Variants in EXOC6B observed in about 807,000 individuals in gnomAD.
EXOC6B encodes the protein exocyst complex component 6B, also known as SEC15 homolog B.
Under a neutral mutation model 113.5 loss-of-function variants are expected in EXOC6B, and 54 were observed. That is an observed-to-expected ratio of 0.48 (90% CI 0.38 to 0.60). The LOEUF (loss-of-function observed/expected upper bound fraction) is 0.60, where lower values mean the gene tolerates loss of function less well. Among genes scored for constraint, EXOC6B ranks in the 20% least tolerant of loss-of-function variants. The pLI is 0.00. For missense variants in EXOC6B, 797 were observed against 977.5 expected, an observed-to-expected ratio of 0.82 and a Z score of 2.46; for synonymous variants, 357 against 339.0, an observed-to-expected ratio of 1.05 and a Z score of -0.58.
intron 20 of EXOC6B, among the ~76,000 whole-genome samples, chr2:72,219,985 C>T (rs929208246): frequency 1.8e-4 from 28 of 152,112 alleles, no homozygotes; most frequent in Non-Finnish European, 8.8e-5. Context: ...TCCGGTAAGT[C>T]ACTTAACCTT....
intron 5 of EXOC6B, among the ~76,000 whole-genome samples, chr2:72,726,810 AAATACAGTCAGC>A (rs1680326710): frequency 6.6e-6 from 1 of 152,192 alleles, no homozygotes; most frequent in Non-Finnish European, 1.5e-5. Context: ...GAAAAAAATA[AAATACAGTCAGC>A]CCTTCATATT....
intron 6 of EXOC6B, among the ~76,000 whole-genome samples, chr2:72,585,078 T>C (rs893395295): frequency 6.6e-6 from 1 of 151,932 alleles, no homozygotes; most frequent in Non-Finnish European, 1.5e-5. Context: ...AAATTAATGA[T>C]CTAACATCAT....
intron 18 of EXOC6B, among the ~76,000 whole-genome samples, chr2:72,421,813 C>T (rs1362171943): frequency 6.6e-6 from 1 of 152,232 alleles, no homozygotes; most frequent in Non-Finnish European, 1.5e-5. Context: ...CCTCAGCTTG[C>T]AGCGAGGTGT....
chr2:72,465,517 T>G (rs1287809139), intron 17 of EXOC6B, among the ~76,000 whole-genome samples, 178 bp from the exon 18 acceptor site: 4 of 152,198 alleles, frequency 2.6e-5, no homozygotes, highest in Non-Finnish European at 4.4e-5. Flanking sequence ...TGTGTAGGTT[T>G]TTTCTAATTT....
chr2:72,346,924 G>T (rs750964092), intron 19 of EXOC6B, among the ~76,000 whole-genome samples: 1 of 152,054 alleles, frequency 6.6e-6, no homozygotes, highest in Non-Finnish European at 1.5e-5. Flanking sequence ...ATTTGTAATT[G>T]CTGAAGACTT....
At chr2:72,340,115 ATTAACT>A (rs1266932879) in intron 19 of EXOC6B, among the ~76,000 whole-genome samples, 1 of 152,134 alleles carries the variant, frequency 6.6e-6, no homozygotes, top group Admixed American at 6.5e-5. Context: ...AAAGAAAAAA[ATTAACT>A]TTAATTTGGT....
intron 6 of EXOC6B, among the ~76,000 whole-genome samples, chr2:72,617,720 G>A (rs1459562042): frequency 6.6e-6 from 1 of 151,602 alleles, no homozygotes; most frequent in Admixed American, 6.6e-5. Context: ...TCAGCAGGTT[G>A]GCCACAGTGG....
intron 20 of EXOC6B, among the ~76,000 whole-genome samples, chr2:72,256,144 C>T (rs1020997999): frequency 5.3e-5 from 8 of 152,096 alleles, no homozygotes; most frequent in Non-Finnish European, 1.2e-4. Context: ...TGGAGTAATA[C>T]AAAGCCACAA....
intron 1 of EXOC6B, among the ~76,000 whole-genome samples, chr2:72,789,084 T>A (rs1684533906): frequency 1.3e-5 from 2 of 152,222 alleles, no homozygotes. Context: ...GGAATTCAGC[T>A]GTATTTGAGC....
rs989349634 is a variant in EXOC6B at position 72,176,412 on chromosome 2, C to G, written c.*2923G>C. ...AGAGGCCTGATGAGGAAGGTCATGG[C>G]CAAAGCCAGTCTTGGGAGATAAAAG... On this transcript the variant is annotated 3_prime_UTR_variant, in exon 22 of 22. Coordinates refer to ENST00000272427, the MANE Select transcript of EXOC6B (RefSeq NM_015189.3). 6.6e-6 allele frequency: 1 copy of G among 152,262 alleles called. No individual in the cohort carries two copies. Among genetic ancestry groups the G allele is most frequent in the Admixed American group, 6.5e-5 (1 of 15,286 alleles). 9.4% of individuals were successfully genotyped at this position (152,262 alleles called of 1,614,324 possible).
chr2:72,359,455 C>T (rs776233485), intron 19 of EXOC6B, among the ~76,000 whole-genome samples: 1 of 152,056 alleles, frequency 6.6e-6, no homozygotes, highest in African/African-American at 2.4e-5. Flanking sequence ...AGACACTAAA[C>T]CCGACAATGC....
intron 16 of EXOC6B, among the ~76,000 whole-genome samples, chr2:72,491,631 C>A (rs1055299421): frequency 2.6e-5 from 4 of 152,084 alleles, no homozygotes; most frequent in Non-Finnish European, 5.9e-5. Flanking sequence ...GAGAGAACTT[C>A]ACATCTTTCT....
At chr2:72,617,517 C>CTTTTTTTTTTTT (rs201912352) in intron 6 of EXOC6B, among the ~76,000 whole-genome samples, 4 of 96,954 alleles carry the variant, frequency 4.1e-5, no homozygotes, top group Non-Finnish European at 6.0e-5. Flanking sequence ...AATCTTTTTT[C>CTTTTTTTTTTTT]TTTTTTTTTT....
At chr2:72,189,879 T>C (rs1678716315) in intron 20 of EXOC6B, among the ~76,000 whole-genome samples, 1 of 145,304 alleles carries the variant, frequency 6.9e-6, no homozygotes, top group Non-Finnish European at 1.5e-5. Flanking sequence ...TTTTTTTTTT[T>C]TGAGGCAGAG....
intron 12 of EXOC6B, 47 bp from the exon 13 acceptor site, chr2:72,498,598 T>C: frequency 2.2e-6 from 3 of 1,342,710 alleles, no homozygotes; most frequent in Non-Finnish European, 3.0e-6. Context: ...GAAGGAGTTT[T>C]TTTTTCGGTT....
intron 5 of EXOC6B, 95 bp downstream of exon 5, chr2:72,730,912 T>G (rs940420466): frequency 1.2e-6 from 1 of 833,948 alleles, no homozygotes; most frequent in African/African-American, 1.7e-5. Flanking sequence ...AGAAACTTAA[T>G]TTTTTGAAAA....
intron 18 of EXOC6B, among the ~76,000 whole-genome samples, chr2:72,447,600 T>C (rs979532732): frequency 1.3e-5 from 2 of 152,170 alleles, no homozygotes; most frequent in African/African-American, 4.8e-5. Context: ...ATACAGCAGA[T>C]ACTGGACCAC....
intron 6 of EXOC6B, among the ~76,000 whole-genome samples, chr2:72,647,440 T>C (rs916454203): frequency 6.6e-5 from 10 of 152,128 alleles, no homozygotes; most frequent in Non-Finnish European, 1.2e-4. Context: ...TTAAAGTTCA[T>C]ATGGAACCAA....
intron 17 of EXOC6B, among the ~76,000 whole-genome samples, chr2:72,466,111 G>A (rs1388541547): frequency 1.3e-5 from 2 of 152,014 alleles, no homozygotes; most frequent in Non-Finnish European, 2.9e-5. Context: ...TTGGGAGGCC[G>A]AAGTGGGTGG....
Sources: gnomAD v4.1 joint callset for allele counts (sites outside exome capture counted in the v4.1 genomes callset) on GRCh38, gnomAD v4.1.1 for gene constraint, MANE v1.5 for transcripts, NCBI Gene and HGNC (gene_info 2026-07-23, HGNC 2026-07-21) for gene names.